The following PCDHGB2 variants were observed in gnomAD, a reference collection of about 807,000 sequenced individuals.
PCDHGB2 encodes protocadherin gamma-B2.
In PCDHGB2, 55 loss-of-function variants were observed where a neutral mutation model predicts 59.3. The ratio of observed to expected loss-of-function variants is 0.93; its 90% CI spans 0.75 to 1.16. The LOEUF is 1.16. Ranked by LOEUF, PCDHGB2 falls within the 50% of genes most tolerant of loss-of-function variation. The probability of loss-of-function intolerance (pLI) is 0.00; values close to 1 mark genes in which losing one functional copy is unlikely to be tolerated. For synonymous variants in PCDHGB2, 516 were observed against 512.0 expected, an observed-to-expected ratio of 1.01 and a Z score of -0.11; for missense variants, 1,228 against 1,198.5, an observed-to-expected ratio of 1.02 and a Z score of -0.36.
intron 1 of PCDHGB2, chr5:141,423,323 C>T (rs200492485): frequency 6.2e-7 from 1 of 1,614,146 alleles, no homozygotes; most frequent in East Asian, 2.2e-5. Flanking sequence ...GTGGCGGTGG[C>T]CGCAGTCTCC....
intron 1 of PCDHGB2, among the ~76,000 whole-genome samples, chr5:141,450,379 A>C (rs1269979263): frequency 6.6e-6 from 1 of 152,144 alleles, no homozygotes; most frequent in Non-Finnish European, 1.5e-5. Flanking sequence ...GTTTATATGA[A>C]ACTGACATTT....
intron 1 of PCDHGB2, chr5:141,423,880 G>T: frequency 7.8e-7 from 1 of 1,282,292 alleles, no homozygotes; most frequent in Non-Finnish European, 9.9e-7. Flanking sequence ...TTTCAATCTT[G>T]GCATATTTTC....
At chr5:141,371,899 C>T in intron 1 of PCDHGB2, 1 of 1,613,414 alleles carries the variant, frequency 6.2e-7, no homozygotes, top group Non-Finnish European at 8.5e-7. Flanking sequence ...CGGGAGCTGT[C>T]GTCCTACGTG....
At position 141,383,079 on chromosome 5, in the gene PCDHGB2, G is replaced by A. The variant is rs770794066; in HGVS notation, c.2421+20523G>A. 4 of 1,613,906 alleles carry A rather than the reference G, an allele frequency of 2.5e-6. No individual in the cohort carries two copies. In the South Asian group the frequency reaches 4.4e-5, roughly 18 times the overall value. ...TGGGGCTGGAGCCCCGGGAGCTGGC[G>A]GAGCGCGGAGTCCGCATCATCTCCA... is the stretch of plus-strand genomic sequence containing the variant. On this transcript the variant is annotated intron_variant, in intron 1 of 3. Transcript: ENST00000522605.
At chr5:141,399,825 C>G (rs1439243162) in intron 1 of PCDHGB2, 14 of 1,613,060 alleles carry the variant, frequency 8.7e-6, no homozygotes, top group Non-Finnish European at 1.2e-5. Context: ...TGGGTCCCGA[C>G]GGCTCTGCGC....
Position 141,361,982 on chromosome 5 carries a change from T to G in PCDHGB2, c.1847T>G (p.Leu616Arg), listed in dbSNP as rs756919510. The G allele has an allele frequency of 4.4e-6, 7 of 1,601,420 alleles. No individual in the cohort carries two copies. Among genetic ancestry groups the G allele is most frequent in the Non-Finnish European group, 6.0e-6 (7 of 1,176,452 alleles). Reference protein sequence around the residue: ...YHVLQASEPGLFSLGLRTGEV... With the variant: ...YHVLQASEPGRFSLGLRTGEV... Reference sequence around the variant, plus strand: ...GTGCTGCAGGCCAGCGAGCCCGGGCTCTTCAGCCTGGGGTTGCGCACGGGT... The same window carrying G: ...GTGCTGCAGGCCAGCGAGCCCGGGCGCTTCAGCCTGGGGTTGCGCACGGGT... Residue 616 changes from leucine (L) to arginine (R), a missense_variant, in exon 1 of 4, where the codon CTC becomes CGC. Leu to Arg is a moderately radical substitution (Grantham distance 102). Around this residue, in one of 3 missense-constraint regions of PCDHGB2, gnomAD observed 433 missense variants for 441.8 expected, o/e 0.98. Transcript: ENST00000522605.
intron 1 of PCDHGB2, chr5:141,419,306 C>A: frequency 1.9e-6 from 3 of 1,614,032 alleles, no homozygotes; most frequent in Non-Finnish European, 2.5e-6. Context: ...AGACTTCGGG[C>A]TCAACGGCCG....
At chr5:141,371,875 G>A in intron 1 of PCDHGB2, 1 of 1,613,506 alleles carries the variant, frequency 6.2e-7, no homozygotes, top group Non-Finnish European at 8.5e-7. Flanking sequence ...ATCGTGGCCA[G>A]TGACCTGGAG....
At chr5:141,469,081 A>C (rs1451214440) in intron 1 of PCDHGB2, among the ~76,000 whole-genome samples, 1 of 151,790 alleles carries the variant, frequency 6.6e-6, no homozygotes, top group Non-Finnish European at 1.5e-5. Context: ...GTTTGAGACC[A>C]TTCTAGGCAA....
intron 1 of PCDHGB2, among the ~76,000 whole-genome samples, chr5:141,456,083 G>A (rs2098842632): frequency 6.6e-6 from 1 of 151,960 alleles, no homozygotes; most frequent in South Asian, 2.1e-4. Context: ...ATTTTCAGTA[G>A]AGACGGGATT....
rs771647688 is a variant in PCDHGB2 at position 141,399,795 on chromosome 5, G to A, written c.2421+37239G>A. 10 of 1,613,202 alleles carry A rather than the reference G, an allele frequency of 6.2e-6. No individual in the cohort carries two copies. In the South Asian group the frequency reaches 8.8e-5, roughly 14 times the overall value. On this transcript the variant is annotated intron_variant, in intron 1 of 3. Transcript: ENST00000522605. ...TGGGCGACCGAAACGACAACGCACC[G>A]CGGGTGCTGTACCCCGCGCTGGGTC...
rs1028054307 is a variant in PCDHGB2 at position 141,417,708 on chromosome 5, G to A, written c.2421+55152G>A. The A allele has an allele frequency of 2.4e-5, 29 of 1,227,762 alleles. No homozygotes were observed. In the South Asian group the frequency reaches 2.9e-4, roughly 12 times the overall value. 76.1% of individuals were successfully genotyped at this position (1,227,762 alleles called of 1,614,324 possible). On this transcript the variant is annotated intron_variant, in intron 1 of 3. Transcript: ENST00000522605. ...AAAGAAAACCAGCTCCCACACAGAG[G>A]CTCCCGGCTGCGCAGACCTTGCCCA... is the stretch of plus-strand genomic sequence containing the variant.
At chr5:141,442,664 G>A (rs1289986124) in intron 1 of PCDHGB2, among the ~76,000 whole-genome samples, 2 of 152,342 alleles carry the variant, frequency 1.3e-5, no homozygotes, top group East Asian at 1.9e-4. Flanking sequence ...TATTTGGCAT[G>A]GTGAGCTTGA....
intron 1 of PCDHGB2, chr5:141,393,690 C>A (rs779487285): frequency 6.2e-7 from 1 of 1,613,752 alleles, no homozygotes; most frequent in African/African-American, 1.3e-5. Flanking sequence ...TCCGTTATTC[C>A]AGCTTAATGA....
chr5:141,384,286 G>C lies in PCDHGB2; in HGVS notation c.2421+21730G>C, dbSNP rs760333073. ...CTCATCCTACTCAGTCTACATCGCT[G>C]AGAACAACCCCAGAGGGGCCTCCAT... On this transcript the variant is annotated intron_variant, in intron 1 of 3. Coordinates refer to ENST00000522605, the MANE Select transcript of PCDHGB2 (RefSeq NM_018923.3). 3 of 1,613,716 alleles carry C rather than the reference G, an allele frequency of 1.9e-6. No homozygotes were observed. In the East Asian group the frequency reaches 6.7e-5, roughly 36 times the overall value.
intron 1 of PCDHGB2, chr5:141,403,552 G>A (rs1228068556): frequency 1.2e-6 from 2 of 1,613,892 alleles, no homozygotes; most frequent in African/African-American, 1.3e-5. Flanking sequence ...AGCGCGCCCT[G>A]GACAGGGAGG....
At position 141,431,418 on chromosome 5, in the gene PCDHGB2, C is replaced by G. The variant is rs571505529; in HGVS notation, c.2422-63389C>G. On this transcript the variant is annotated intron_variant, in intron 1 of 3. Transcript: ENST00000522605. The surrounding 1 kb of genome is among the most constrained non-coding windows in gnomAD (Gnocchi z 4.8). ...CTTACGGCCTCCGACGGGGGCGACC[C>G]GGTGCGCACAGGCACCGCGCGCATC... is the stretch of plus-strand genomic sequence containing the variant. 6.8e-6 allele frequency: 11 copies of G among 1,613,588 alleles called. No homozygotes were observed. In the South Asian group the frequency reaches 1.1e-4, roughly 16 times the overall value.
chr5:141,423,169 C>T (rs747206648), intron 1 of PCDHGB2: 4 of 1,613,460 alleles, frequency 2.5e-6, no homozygotes, highest in Admixed American at 3.3e-5. Flanking sequence ...GGTGGCCGTC[C>T]AGGACCACGG....
At chr5:141,484,287 C>T (rs1432341538) in intron 1 of PCDHGB2, among the ~76,000 whole-genome samples, 1 of 152,268 alleles carries the variant, frequency 6.6e-6, no homozygotes, top group Non-Finnish European at 1.5e-5. Context: ...GAAACATCTC[C>T]CTCTCCTGGC....
Sources: allele counts gnomAD v4.1 joint callset (sites outside exome capture counted in the v4.1 genomes callset), GRCh38; gene constraint gnomAD v4.1.1; regional missense constraint gnomAD v4.1.1; non-coding constraint Gnocchi (gnomAD v3.1); transcripts MANE v1.5; gene names NCBI Gene and HGNC (gene_info 2026-07-23, HGNC 2026-07-21).